AQP1: variants seen among roughly 807,000 people sequenced by gnomAD.
The protein encoded by AQP1 is aquaporin-1.
AQP1 carries 11 observed loss-of-function variants against 19.7 expected under a neutral mutation model. That is an observed-to-expected ratio of 0.56 (90% confidence interval 0.35 to 0.92). The LOEUF (loss-of-function observed/expected upper bound fraction) is 0.92, where lower values mean the gene tolerates loss of function less well. Ranked by LOEUF, AQP1 falls within the 40% of genes least tolerant of loss-of-function variation. The pLI, the probability that AQP1 is intolerant of heterozygous loss-of-function variation, is 0.01. For missense variants in AQP1, 320 were observed against 369.7 expected (o/e 0.87, Z 1.10); for synonymous variants, 159 against 166.7 (o/e 0.95, Z 0.36).
chr7:30,925,304 C>T lies in AQP1; in HGVS notation c.*1675C>T, dbSNP rs1791650075. 1 of 152,194 alleles carries T rather than the reference C, an allele frequency of 6.6e-6. No individual in the cohort carries two copies. The highest frequency in any genetic ancestry group is 2.4e-5 in the African/African-American group (1 of 41,418). 9.4% of individuals were successfully genotyped at this position (152,194 alleles called of 1,614,324 possible). On this transcript the variant is annotated 3_prime_UTR_variant, in exon 4 of 4. Transcript: ENST00000311813. Reference sequence around the variant, plus strand: ...CCTGGACCACGAGGCTGATTCCTCTCATTTCCAGCTTCTCAGTTTCTGCCT... The same window carrying T: ...CCTGGACCACGAGGCTGATTCCTCTTATTTCCAGCTTCTCAGTTTCTGCCT...
Position 30,923,918 on chromosome 7 carries a change from C to T in AQP1, c.*289C>T, listed in dbSNP as rs539793030. 1 of 1,450,566 alleles carries T rather than the reference C, an allele frequency of 6.9e-7. No individual in the cohort carries two copies. 89.9% of individuals were successfully genotyped at this position (1,450,566 alleles called of 1,614,324 possible). A position where few individuals can be genotyped will look rare whatever the true frequency, so the allele number is the denominator to read the frequency against. ...AGGGACCCACCTGCTAGTCGCCCCT[C>T]AGAGCATGATGGGAGGTGTGCCAGA... On this transcript the variant is annotated 3_prime_UTR_variant, in exon 4 of 4. Coordinates refer to ENST00000311813, the MANE Select transcript of AQP1 (RefSeq NM_198098.4). This position sits in a 1 kb window ranked among gnomAD's most constrained non-coding sequence, Gnocchi z 4.8.
intron 1 of AQP1, among the ~76,000 whole-genome samples, chr7:30,917,496 G>A (rs189557587): frequency 7.4e-4 from 113 of 152,322 alleles, no homozygotes; most frequent in African/African-American, 2.6e-3. Flanking sequence ...CACATGGGGG[G>A]CTCATTTTTT....
chr7:30,923,948 C>A lies in AQP1; in HGVS notation c.*319C>A, dbSNP rs560221857. The A allele has an allele frequency of 4.9e-6, 7 of 1,414,474 alleles. No individual in the cohort carries two copies. Among genetic ancestry groups the A allele is most frequent in the Admixed American group, 3.7e-5 (2 of 53,966 alleles). 87.6% of individuals were successfully genotyped at this position (1,414,474 alleles called of 1,614,324 possible). A position where few individuals can be genotyped will look rare whatever the true frequency, so the allele number is the denominator to read the frequency against. On this transcript the variant is annotated 3_prime_UTR_variant, in exon 4 of 4. Coordinates refer to ENST00000311813, the MANE Select transcript of AQP1 (RefSeq NM_198098.4). This position sits in a 1 kb window ranked among gnomAD's most constrained non-coding sequence, Gnocchi z 4.8. ...CATGATGGGAGGTGTGCCAGAAAGT[C>A]CCCCCTCGCCCCAAAGTTGCTCACC...
intron 1 of AQP1, among the ~76,000 whole-genome samples, chr7:30,915,660 A>C (rs1791327225): frequency 6.6e-6 from 1 of 152,146 alleles, no homozygotes; most frequent in African/African-American, 2.4e-5. Flanking sequence ...GCAGAGGGCA[A>C]AGCTACCCTC....
intron 3 of AQP1, 106 bp downstream of exon 3, chr7:30,922,750 C>T: frequency 8.4e-7 from 1 of 1,188,872 alleles, no homozygotes; most frequent in South Asian, 1.2e-5. Flanking sequence ...GGGAGACAGC[C>T]AGAGGACAGG....
chr7:30,913,625 G>C (rs1461827574), intron 1 of AQP1, among the ~76,000 whole-genome samples: 1 of 152,158 alleles, frequency 6.6e-6, no homozygotes. Flanking sequence ...GAGAGGCTAG[G>C]TGAAGGTCTG....
At position 30,911,865 on chromosome 7, in the gene AQP1, G is replaced by A. The variant is rs1416338937; in HGVS notation, c.-45G>A. 1 of 1,611,478 alleles carries A rather than the reference G, an allele frequency of 6.2e-7. No individual in the cohort carries two copies. On this transcript the variant is annotated 5_prime_UTR_variant, in exon 1 of 4. Transcript: ENST00000311813. ...CAGGCTGTGGCTCAGCTCTCAGAGG[G>A]AATTGAGCACCCGGCAGCGGTCTCA...
At position 30,921,724 on chromosome 7, in the gene AQP1, G is replaced by A. The variant is rs1422934664; in HGVS notation, c.385-342G>A. Reference sequence around the variant, plus strand: ...CCTTCATGCCTGGGGCTCGCCCCTTGCCTCTGGTCTTGGTACCCCAGAATA... The same window carrying A: ...CCTTCATGCCTGGGGCTCGCCCCTTACCTCTGGTCTTGGTACCCCAGAATA... On this transcript the variant is annotated intron_variant, in intron 1 of 3. Coordinates refer to ENST00000311813, the MANE Select transcript of AQP1 (RefSeq NM_198098.4). 3 of 1,550,736 alleles carry A rather than the reference G, an allele frequency of 1.9e-6. No individual in the cohort carries two copies. In the South Asian group the frequency reaches 3.6e-5, roughly 18 times the overall value.
intron 1 of AQP1, among the ~76,000 whole-genome samples, chr7:30,918,276 G>A (rs1005018511): frequency 6.6e-6 from 1 of 152,180 alleles, no homozygotes; most frequent in Non-Finnish European, 1.5e-5. Flanking sequence ...ACAGGCGTGA[G>A]CCACCGCGCC....
In AQP1 at chr7:30,916,107, C is replaced by T. The variant is rs946459817; in HGVS notation, c.384+3814C>T. Among the ~76,000 whole-genome samples the T allele has an allele frequency of 4.6e-5, 7 of 152,314 alleles. No individual in the cohort carries two copies. The East Asian group carries it at 9.7e-4, about 21-fold the overall frequency. On this transcript the variant is annotated intron_variant, in intron 1 of 3. Transcript: ENST00000311813. ...TTTAGGGACCTCAGAACAGCCCAGC[C>T]GGTCCCAGTGTTGCCCACCCTGATG...
At chr7:30,916,330 C>T (rs1264273017) in intron 1 of AQP1, among the ~76,000 whole-genome samples, 1 of 152,242 alleles carries the variant, frequency 6.6e-6, no homozygotes, top group Non-Finnish European at 1.5e-5. Context: ...TAGCTCACTG[C>T]AAGCCAATTC....
At chr7:30,920,805 C>T (rs1283745602) in intron 1 of AQP1, among the ~76,000 whole-genome samples, 1 of 152,138 alleles carries the variant, frequency 6.6e-6, no homozygotes, top group Non-Finnish European at 1.5e-5. Flanking sequence ...CTGGGGTCCG[C>T]CAGGAAAGGC....
intron 1 of AQP1, among the ~76,000 whole-genome samples, chr7:30,914,672 ACT>A (rs1355712162): frequency 2.0e-5 from 3 of 152,084 alleles, no homozygotes; most frequent in Non-Finnish European, 4.4e-5. Flanking sequence ...CAGGTGACAC[ACT>A]CTCTTTCATG....
Position 30,923,391 on chromosome 7 carries a change from G to T in AQP1, c.631-59G>T, listed in dbSNP as rs1791579212. ...GGTGGTGGGCTGTGGGGTAACCTAGGGAACGCTTCCCAGGGGCTTTTGAGT... is the reference window on the plus strand; with the variant it reads ...GGTGGTGGGCTGTGGGGTAACCTAGTGAACGCTTCCCAGGGGCTTTTGAGT... On this transcript the variant is annotated intron_variant, in intron 3 of 3. Coordinates refer to ENST00000311813, the MANE Select transcript of AQP1 (RefSeq NM_198098.4). This position sits in a 1 kb window ranked among gnomAD's most constrained non-coding sequence, Gnocchi z 4.8. The T allele has an allele frequency of 2.5e-6, 4 of 1,611,344 alleles. No individual in the cohort carries two copies. The African/African-American group carries it at 5.3e-5, about 22-fold the overall frequency.
chr7:30,921,111 C>T (rs773963580), intron 1 of AQP1, among the ~76,000 whole-genome samples: 29 of 152,278 alleles, frequency 1.9e-4, no homozygotes, highest in Non-Finnish European at 3.2e-4. Flanking sequence ...GGCATCTTTG[C>T]AAGTGAGCCT....
chr7:30,920,126 C>G (rs2128590136), intron 1 of AQP1, among the ~76,000 whole-genome samples: 1 of 152,246 alleles, frequency 6.6e-6, no homozygotes, highest in Non-Finnish European at 1.5e-5. Flanking sequence ...GAGATGAGCT[C>G]TTTCTGGTCA....
intron 1 of AQP1, 28 bp from the exon 2 acceptor site, chr7:30,922,038 C>G: frequency 6.2e-7 from 1 of 1,613,026 alleles, no homozygotes; most frequent in Non-Finnish European, 8.5e-7. Context: ...CCCTCCTCAC[C>G]AGTCCTCACC....
chr7:30,923,883 G>A lies in AQP1; in HGVS notation c.*254G>A, dbSNP rs1436491473. On this transcript the variant is annotated 3_prime_UTR_variant, in exon 4 of 4. Coordinates refer to ENST00000311813, the MANE Select transcript of AQP1 (RefSeq NM_198098.4). The surrounding 1 kb of genome is among the most constrained non-coding windows in gnomAD (Gnocchi z 4.8). ...CCCACTCCCTTGAAGTTGTGGAGGAGGTGAAAGAAAGGGACCCACCTGCTA... is the reference window on the plus strand; with the variant it reads ...CCCACTCCCTTGAAGTTGTGGAGGAAGTGAAAGAAAGGGACCCACCTGCTA... 3 of 1,492,764 alleles carry A rather than the reference G, an allele frequency of 2.0e-6. No individual in the cohort carries two copies. The highest frequency in any genetic ancestry group is 1.4e-5 in the African/African-American group (1 of 72,588). 92.5% of individuals were successfully genotyped at this position (1,492,764 alleles called of 1,614,324 possible).
chr7:30,918,505 A>G (rs1005416916), intron 1 of AQP1, among the ~76,000 whole-genome samples: 55 of 152,300 alleles, frequency 3.6e-4, no homozygotes, highest in African/African-American at 1.3e-3. Flanking sequence ...TGGAGCCCAC[A>G]TAGGTCCCCT....
Sources: gnomAD v4.1 joint callset for allele counts (sites outside exome capture counted in the v4.1 genomes callset) on GRCh38, gnomAD v4.1.1 for gene constraint, Gnocchi (gnomAD v3.1) non-coding constraint, MANE v1.5 for transcripts, NCBI Gene and HGNC (gene_info 2026-07-23, HGNC 2026-07-21) for gene names.